Variants in PRDM1 observed in about 807,000 individuals in gnomAD.
The protein encoded by PRDM1 is PR domain zinc finger protein 1.
PRDM1 carries 13 observed loss-of-function variants against 62.8 expected under a neutral mutation model. The observed-to-expected ratio is 0.21, with a 90% CI of 0.13 to 0.33. The LOEUF (loss-of-function observed/expected upper bound fraction) is 0.33. Ranked by LOEUF, PRDM1 falls within the 10% of genes least tolerant of loss-of-function variation. The pLI, the probability that PRDM1 is intolerant of heterozygous loss-of-function variation, is 1.00. For missense variants in PRDM1, 895 were observed against 1,058.8 expected, an observed-to-expected ratio of 0.85 and a Z score of 2.15; for synonymous variants, 396 against 417.6, an observed-to-expected ratio of 0.95 and a Z score of 0.63.
intron 1 of PRDM1, among the ~76,000 whole-genome samples, chr6:106,019,560 C>G (rs998239264): frequency 4.6e-5 from 7 of 150,630 alleles, no homozygotes; most frequent in African/African-American, 1.5e-4. Context: ...TGAATATTTT[C>G]TATATTGGAT....
intron 1 of PRDM1, among the ~76,000 whole-genome samples, chr6:106,010,760 G>C (rs945319324): frequency 1.3e-5 from 2 of 152,180 alleles, no homozygotes; most frequent in Admixed American, 6.5e-5. Context: ...GCCCTGTCGT[G>C]TCAGGGGTGC....
chr6:106,089,941 C>T (rs1195188292), intron 2 of PRDM1, among the ~76,000 whole-genome samples: 1 of 152,200 alleles, frequency 6.6e-6, no homozygotes, highest in Non-Finnish European at 1.5e-5. Context: ...TGTGGGTCAT[C>T]TTTGCCTTTT....
At chr6:106,059,674 G>A (rs1035709720) in intron 1 of PRDM1, among the ~76,000 whole-genome samples, 18 of 152,216 alleles carry the variant, frequency 1.2e-4, no homozygotes, top group African/African-American at 4.1e-4. Context: ...AAGAAGGGAA[G>A]AGGAAGATCA....
chr6:106,087,432 G>C (rs1052827273), intron 1 of PRDM1: 5 of 231,258 alleles, frequency 2.2e-5, no homozygotes, highest in Non-Finnish European at 4.3e-5. Flanking sequence ...TTTATGTTTT[G>C]TTTTTGCCTT....
chr6:106,051,655 AG>A (rs1773176498), intron 1 of PRDM1, among the ~76,000 whole-genome samples: 1 of 152,182 alleles, frequency 6.6e-6, no homozygotes, highest in Admixed American at 6.5e-5. Context: ...TGGAAAAAAG[AG>A]GGGCAAAGAG....
At chr6:106,050,643 C>T (rs887014223) in intron 1 of PRDM1, among the ~76,000 whole-genome samples, 1 of 152,210 alleles carries the variant, frequency 6.6e-6, no homozygotes, top group African/African-American at 2.4e-5. Flanking sequence ...CAAGAGAAAA[C>T]TTCCCTCACC....
In PRDM1 at chr6:106,105,033, G is replaced by A. The variant is rs1242938466; in HGVS notation, c.873G>A (p.Met291Ile). ...DDFRRRGSPE[M>I]PFYPRVVYPI... ...TTAGAAGACGTGGGAGCCCCGAAAT[G>A]CCCTTCTACCCTCGGGTCGTTTACC... is the stretch of plus-strand genomic sequence containing the variant. The change falls in exon 5 of 7, where the codon ATG becomes ATA. Residue 291 changes from methionine (M) to isoleucine (I), a missense_variant. Physicochemically the swap from Met to Ile is conservative, Grantham distance 10 (BLOSUM62 1). This residue lies in a region of PRDM1 where 444 missense variants were observed against 422.7 expected (regional missense o/e 1.05). Transcript: ENST00000369096. 1.9e-6 allele frequency: 3 copies of A among 1,614,104 alleles called. No homozygotes were observed. Among genetic ancestry groups the A allele is most frequent in the Non-Finnish European group, 2.5e-6 (3 of 1,180,022 alleles).
At position 106,109,091 on chromosome 6, in the gene PRDM1, C is replaced by CA. The variant is rs36077280; in HGVS notation, c.*1627dup. 0.64 allele frequency: 77,112 copies of CA among 121,370 alleles called. 26,029 individuals are homozygous for CA. Among genetic ancestry groups the CA allele is most frequent in the South Asian group, 0.77 (2,424 of 3,148 alleles). The allele number at this position is 121,370 out of a possible 1,614,324, so 7.5% of individuals were successfully genotyped here. ...GTAAAAGATCTACTTTTTCTAAGGG[C>CA]AAAAAAAAAAAAAAAAAAAAAAGAA... On this transcript the variant is annotated 3_prime_UTR_variant, in exon 7 of 7. Coordinates refer to ENST00000369096, the MANE Select transcript of PRDM1 (RefSeq NM_001198.4).
chr6:106,088,243 T>C lies in PRDM1; in HGVS notation c.85T>C (p.Leu29=), dbSNP rs780392525. ...CTCCAGCACTGTGAGGTTTCAGGGA[T>C]TGGCAGAGGGGACCAAGGGGACCAT... The part of the protein sequence containing the change: ...CNSSTVRFQG[L]AEGTKGTMKM... Residue 29 remains leucine (L), a synonymous_variant, in exon 2 of 7, where the codon TTG becomes CTG. Coordinates refer to ENST00000369096, the MANE Select transcript of PRDM1 (RefSeq NM_001198.4). The C allele has an allele frequency of 6.2e-6, 10 of 1,613,810 alleles. No homozygotes were observed. In the South Asian group the frequency reaches 8.8e-5, roughly 14 times the overall value.
At chr6:106,097,958 G>A (rs1774156152) in intron 3 of PRDM1, among the ~76,000 whole-genome samples, 1 of 152,188 alleles carries the variant, frequency 6.6e-6, no homozygotes, top group African/African-American at 2.4e-5. Context: ...GAAGCCACAT[G>A]TATTTCCCCC....
At chr6:106,077,971 G>C (rs188549722) in intron 1 of PRDM1, among the ~76,000 whole-genome samples, 5 of 152,198 alleles carry the variant, frequency 3.3e-5, no homozygotes, top group African/African-American at 1.2e-4. Context: ...TTTCTTGCTC[G>C]GTAAATGTGT....
chr6:106,012,056 C>G (rs1772556893), intron 1 of PRDM1, among the ~76,000 whole-genome samples: 1 of 145,842 alleles, frequency 6.9e-6, no homozygotes, highest in Non-Finnish European at 1.5e-5. Flanking sequence ...CCTCCACATT[C>G]ACACACCACA....
In PRDM1 at chr6:106,077,680, C is replaced by T. The variant is rs142428857; in HGVS notation, c.-66-10521C>T. Among the ~76,000 whole-genome samples the T allele has an allele frequency of 1.5e-3, 222 of 152,352 alleles. 2 individuals carry two copies. The highest frequency in any genetic ancestry group is 3.1e-3 in the South Asian group (15 of 4,830). ...CATAACAGTTTGAAGGATAATTTCACATGCTGTGTTTTCATTCCTAATGGC... is the reference window on the plus strand; with the variant it reads ...CATAACAGTTTGAAGGATAATTTCATATGCTGTGTTTTCATTCCTAATGGC... On this transcript the variant is annotated intron_variant, in intron 1 of 6. Transcript: ENST00000651185.
chr6:106,072,603 C>G (rs4336479), intron 1 of PRDM1, among the ~76,000 whole-genome samples: 23,710 of 152,236 alleles, frequency 0.16, 2,321 homozygotes, highest in African/African-American at 0.28. Context: ...ACTCAAGACC[C>G]GGATAGCTGG....
At chr6:106,060,791 A>C (rs1302262820) in intron 1 of PRDM1, among the ~76,000 whole-genome samples, 3 of 151,992 alleles carry the variant, frequency 2.0e-5, no homozygotes, top group Non-Finnish European at 4.4e-5. Flanking sequence ...CCATTAAGTG[A>C]ACTGGGAGTG....
intron 1 of PRDM1, among the ~76,000 whole-genome samples, chr6:106,018,969 T>C (rs1772658444): frequency 6.6e-6 from 1 of 151,482 alleles, no homozygotes; most frequent in African/African-American, 2.4e-5. Flanking sequence ...TATAGTGGGG[T>C]TTTATATTCT....
intron 2 of PRDM1, among the ~76,000 whole-genome samples, chr6:106,089,494 T>A (rs913237845): frequency 6.6e-6 from 1 of 152,190 alleles, no homozygotes; most frequent in Admixed American, 6.5e-5. Flanking sequence ...GGAAATGCTT[T>A]GTCTCTTTCC....
At chr6:106,094,996 A>G (rs1395988770) in intron 2 of PRDM1, among the ~76,000 whole-genome samples, 1 of 151,792 alleles carries the variant, frequency 6.6e-6, no homozygotes, top group African/African-American at 2.4e-5. Context: ...CCAGAGAAGA[A>G]CAAAGTTACT....
intron 2 of PRDM1, among the ~76,000 whole-genome samples, chr6:106,092,871 T>C (rs1349763871): frequency 6.6e-6 from 1 of 152,256 alleles, no homozygotes; most frequent in East Asian, 1.9e-4. Flanking sequence ...GGTTTGTAAG[T>C]GCCTTCCAGT....
Sources: allele counts gnomAD v4.1 joint callset (sites outside exome capture counted in the v4.1 genomes callset), GRCh38; gene constraint gnomAD v4.1.1; regional missense constraint gnomAD v4.1.1; transcripts MANE v1.5; gene names NCBI Gene and HGNC (gene_info 2026-07-23, HGNC 2026-07-21).